NRXN1: variants seen among roughly 807,000 people sequenced by gnomAD.
NRXN1 encodes the protein neurexin-1.
Under a neutral mutation model 150.9 loss-of-function variants are expected in NRXN1, and 39 were observed. The ratio of observed to expected loss-of-function variants is 0.26; its 90% CI spans 0.20 to 0.34. NRXN1 has a LOEUF of 0.34. Ranked by LOEUF, NRXN1 falls within the 10% of genes least tolerant of loss-of-function variation. The pLI is 1.00. For synonymous variants in NRXN1, 924 were observed against 757.0 expected, an observed-to-expected ratio of 1.22 and a Z score of -3.62; for missense variants, 1,815 against 1,949.9, an observed-to-expected ratio of 0.93 and a Z score of 1.30.
At chr2:50,694,758 A>T (rs1692573010) in intron 5 of NRXN1, among the ~76,000 whole-genome samples, 2 of 152,218 alleles carry the variant, frequency 1.3e-5, no homozygotes. Context: ...TAATCCTTTT[A>T]TCCCCAATAT....
chr2:50,236,964 G>T lies in NRXN1; in HGVS notation c.3371C>A (p.Thr1124Lys). ...ACCACCTTTGCTAAAGATATATGTCGTCCCAGCTGGAAAACAAAAACCAAA... is the reference window on the plus strand; with the variant it reads ...ACCACCTTTGCTAAAGATATATGTCTTCCCAGCTGGAAAACAAAAACCAAA... Reference protein sequence around the residue: ...FSGPLCNDPGTTYIFSKGGGQ... With the variant: ...FSGPLCNDPGKTYIFSKGGGQ... The change falls in exon 18 of 23, where the codon ACG becomes AAG. Residue 1124 changes from threonine to lysine, a missense_variant. Transcript: ENST00000401669. The T allele has an allele frequency of 6.2e-7, 1 of 1,612,874 alleles. No individual in the cohort carries two copies. Among genetic ancestry groups the T allele is most frequent in the Non-Finnish European group, 8.5e-7 (1 of 1,179,368 alleles).
intron 18 of NRXN1, among the ~76,000 whole-genome samples, chr2:50,205,267 A>G (rs1263102043): frequency 2.0e-5 from 3 of 152,220 alleles, no homozygotes; most frequent in African/African-American, 7.2e-5. Flanking sequence ...AATGAAAATG[A>G]GTATATGTGC....
intron 21 of NRXN1, among the ~76,000 whole-genome samples, chr2:49,984,197 C>G (rs1237507504): frequency 6.6e-6 from 1 of 151,796 alleles, no homozygotes; most frequent in East Asian, 1.9e-4. Flanking sequence ...TCAGAAAAAG[C>G]AAATACAGAC....
intron 17 of NRXN1, among the ~76,000 whole-genome samples, chr2:50,442,660 A>G (rs907625882): frequency 5.9e-5 from 9 of 152,160 alleles, no homozygotes; most frequent in Non-Finnish European, 1.2e-4. Context: ...AATGACAGAA[A>G]TATCAGAGTT....
At chr2:50,312,575 T>C (rs551395198) in intron 17 of NRXN1, among the ~76,000 whole-genome samples, 1 of 152,206 alleles carries the variant, frequency 6.6e-6, no homozygotes, top group South Asian at 2.1e-4. Flanking sequence ...CTTATTCTAT[T>C]AAGTGTACTT....
intron 17 of NRXN1, among the ~76,000 whole-genome samples, chr2:50,459,496 T>C (rs2087937764): frequency 6.6e-6 from 1 of 152,142 alleles, no homozygotes; most frequent in African/African-American, 2.4e-5. Context: ...TGGTGTCTGC[T>C]GCTCCCTTCT....
rs146197611 is a variant in NRXN1 at position 50,388,631 on chromosome 2, G to A, written c.3364+76811C>T. Among the ~76,000 whole-genome samples the A allele has an allele frequency of 1.6e-4, 24 of 152,232 alleles. 1 individual carries two copies. The highest frequency in any genetic ancestry group is 4.6e-4 in the African/African-American group (19 of 41,550). ...GACAGGGCATTCTCTAAGGAGTATCGTTGCTTTGGAATTATAATTTTATGC... is the reference window on the plus strand; with the variant it reads ...GACAGGGCATTCTCTAAGGAGTATCATTGCTTTGGAATTATAATTTTATGC... On this transcript the variant is annotated intron_variant, in intron 17 of 22. Coordinates refer to ENST00000401669, the MANE Select transcript of NRXN1 (RefSeq NM_001330078.2).
intron 17 of NRXN1, among the ~76,000 whole-genome samples, chr2:50,325,814 AC>A (rs1050636325): frequency 6.6e-6 from 1 of 152,200 alleles, no homozygotes; most frequent in Non-Finnish European, 1.5e-5. Flanking sequence ...TATGTTTGTA[AC>A]CCTTTATTTA....
intron 21 of NRXN1, among the ~76,000 whole-genome samples, chr2:49,981,333 T>A (rs1043015391): frequency 6.6e-6 from 1 of 151,512 alleles, no homozygotes; most frequent in African/African-American, 2.4e-5. Context: ...CAAAAAACCA[T>A]AGTCCATGGA....
chr2:50,642,164 T>A (rs896576766), intron 5 of NRXN1, among the ~76,000 whole-genome samples: 1 of 152,056 alleles, frequency 6.6e-6, no homozygotes, highest in African/African-American at 2.4e-5. Flanking sequence ...AAGAAACATA[T>A]ATTAAAGACC....
chr2:50,241,202 G>C (rs777869455), intron 17 of NRXN1, among the ~76,000 whole-genome samples: 1 of 146,612 alleles, frequency 6.8e-6, no homozygotes, highest in African/African-American at 2.6e-5. Context: ...AGCATAGTAA[G>C]ATTTATAGCA....
intron 2 of NRXN1, among the ~76,000 whole-genome samples, chr2:50,982,247 G>T (rs369835424): frequency 6.6e-6 from 1 of 152,078 alleles, no homozygotes; most frequent in African/African-American, 2.4e-5. Context: ...TGATTCAATT[G>T]TAAGACTTTC....
chr2:50,236,768 T>A, intron 18 of NRXN1, 21 bp downstream of exon 18: 1 of 1,610,222 alleles, frequency 6.2e-7, no homozygotes, highest in Non-Finnish European at 8.5e-7. Flanking sequence ...AAAAGCTGAA[T>A]CTTATGCAAA....
At chr2:50,173,041 C>A (rs745933037) in intron 18 of NRXN1, among the ~76,000 whole-genome samples, 1 of 152,170 alleles carries the variant, frequency 6.6e-6, no homozygotes, top group Non-Finnish European at 1.5e-5. Context: ...TAAACATATA[C>A]GCGCAATCTA....
At chr2:50,971,368 AG>A (rs1403403373) in intron 2 of NRXN1, among the ~76,000 whole-genome samples, 2 of 152,066 alleles carry the variant, frequency 1.3e-5, no homozygotes, top group African/African-American at 4.8e-5. Context: ...GCGGATCACA[AG>A]GTCAGGAGTT....
chr2:50,149,199 C>T (rs1427610408), intron 18 of NRXN1, among the ~76,000 whole-genome samples: 1 of 151,632 alleles, frequency 6.6e-6, no homozygotes, highest in Non-Finnish European at 1.5e-5. Flanking sequence ...CATAAGTAGA[C>T]ATTGTTCACT....
intron 12 of NRXN1, among the ~76,000 whole-genome samples, chr2:50,507,609 G>T (rs1192943661): frequency 9.1e-6 from 1 of 109,462 alleles, no homozygotes; most frequent in Non-Finnish European, 1.7e-5. Context: ...TTATTGAAAT[G>T]ATTAAGTTAG....
intron 5 of NRXN1, among the ~76,000 whole-genome samples, chr2:50,905,640 G>A (rs1683564171): frequency 6.6e-6 from 1 of 151,912 alleles, no homozygotes; most frequent in Non-Finnish European, 1.5e-5. Context: ...CTCTTTCCCA[G>A]TGAATCTATC....
intron 2 of NRXN1, among the ~76,000 whole-genome samples, chr2:50,947,679 T>C (rs1436650719): frequency 1.3e-5 from 2 of 151,984 alleles, no homozygotes; most frequent in Admixed American, 1.3e-4. Context: ...AATATCATAA[T>C]ATTCCCTTAC....
Sources: gnomAD v4.1 joint callset for allele counts (sites outside exome capture counted in the v4.1 genomes callset) on GRCh38, gnomAD v4.1.1 for gene constraint, MANE v1.5 for transcripts, NCBI Gene and HGNC (gene_info 2026-07-23, HGNC 2026-07-21) for gene names.